The following KCNIP4 variants were observed in gnomAD, a reference collection of about 807,000 sequenced individuals.
The protein encoded by KCNIP4 is Kv channel-interacting protein 4.
Under a neutral mutation model 34.0 loss-of-function variants are expected in KCNIP4, and 12 were observed. The ratio of observed to expected loss-of-function variants is 0.35; its 90% CI spans 0.23 to 0.57. The LOEUF (loss-of-function observed/expected upper bound fraction) is 0.57. KCNIP4 is among the 20% of genes least tolerant of loss of function. The pLI is 0.83. For synonymous variants in KCNIP4, 124 were observed against 102.2 expected (o/e 1.21, Z -1.29); for missense variants, 238 against 311.7 (o/e 0.76, Z 1.78).
intron 1 of KCNIP4, among the ~76,000 whole-genome samples, chr4:21,899,369 T>C (rs1727579711): frequency 1.3e-5 from 2 of 152,134 alleles, no homozygotes; most frequent in South Asian, 2.1e-4. Context: ...TCCTGTAACA[T>C]CTGGAACAAG....
At chr4:21,683,239 T>C (rs1361963843) in intron 1 of KCNIP4, among the ~76,000 whole-genome samples, 1 of 152,040 alleles carries the variant, frequency 6.6e-6, no homozygotes, top group African/African-American at 2.4e-5. Flanking sequence ...TTAGCTGAAA[T>C]TAGGAAAATT....
intron 3 of KCNIP4, among the ~76,000 whole-genome samples, chr4:20,790,707 A>C (rs938041097): frequency 1.3e-5 from 2 of 152,172 alleles, no homozygotes; most frequent in African/African-American, 4.8e-5. Context: ...GAAATAACTT[A>C]TTCAAAAGAA....
intron 1 of KCNIP4, among the ~76,000 whole-genome samples, chr4:21,262,165 C>A (rs1761512979): frequency 6.6e-6 from 1 of 151,910 alleles, no homozygotes; most frequent in Admixed American, 6.6e-5. Flanking sequence ...TTTTGAAAAC[C>A]TTTTTCCCCT....
At chr4:21,879,686 T>C (rs144688263) in intron 1 of KCNIP4, among the ~76,000 whole-genome samples, 79 of 152,342 alleles carry the variant, frequency 5.2e-4, no homozygotes, top group African/African-American at 1.8e-3. Context: ...AGTATTATTT[T>C]CTTGTTTCGA....
chr4:21,804,780 C>A (rs1420802287), intron 1 of KCNIP4, among the ~76,000 whole-genome samples: 1 of 152,160 alleles, frequency 6.6e-6, no homozygotes, highest in East Asian at 1.9e-4. Flanking sequence ...ACTTTATTAT[C>A]TCCCTCCACA....
chr4:20,758,454 A>T (rs1754664417), intron 4 of KCNIP4, among the ~76,000 whole-genome samples: 1 of 152,146 alleles, frequency 6.6e-6, no homozygotes, highest in Non-Finnish European at 1.5e-5. Context: ...TAAATTGAGG[A>T]TAATTACATT....
At chr4:21,047,820 A>G (rs1374551400) in intron 1 of KCNIP4, among the ~76,000 whole-genome samples, 1 of 152,226 alleles carries the variant, frequency 6.6e-6, no homozygotes, top group African/African-American at 2.4e-5. Flanking sequence ...TCTGGCTTTC[A>G]AGATATTTAT....
intron 1 of KCNIP4, among the ~76,000 whole-genome samples, chr4:20,988,136 A>C (rs1736762615): frequency 6.6e-6 from 1 of 152,000 alleles, no homozygotes; most frequent in Admixed American, 6.6e-5. Flanking sequence ...CATATATGGC[A>C]CTTGGTAGAA....
At chr4:21,496,538 C>T (rs997843743) in intron 1 of KCNIP4, among the ~76,000 whole-genome samples, 3 of 152,186 alleles carry the variant, frequency 2.0e-5, no homozygotes, top group African/African-American at 4.8e-5. Context: ...ACTGATCCAA[C>T]GTGACTAGTC....
At chr4:21,717,531 C>G (rs1212132660) in intron 1 of KCNIP4, among the ~76,000 whole-genome samples, 1 of 152,100 alleles carries the variant, frequency 6.6e-6, no homozygotes, top group Non-Finnish European at 1.5e-5. Flanking sequence ...ATGGCAGAAC[C>G]AATGAGACCA....
chr4:20,933,088 T>C (rs1013168988), intron 1 of KCNIP4, among the ~76,000 whole-genome samples: 7 of 151,734 alleles, frequency 4.6e-5, no homozygotes, highest in Admixed American at 2.0e-4. Context: ...CCACTAAAAA[T>C]ATGAAAATTA....
At chr4:21,906,487 C>A (rs1469562901) in intron 1 of KCNIP4, among the ~76,000 whole-genome samples, 2 of 152,176 alleles carry the variant, frequency 1.3e-5, no homozygotes, top group Non-Finnish European at 2.9e-5. Context: ...TGTTCTCCCC[C>A]ACAGCCTGCC....
chr4:21,200,124 G>A (rs912096038), intron 1 of KCNIP4, among the ~76,000 whole-genome samples: 2 of 151,580 alleles, frequency 1.3e-5, no homozygotes, highest in Non-Finnish European at 2.9e-5. Context: ...ACACCAACAC[G>A]GCACATGTAT....
At chr4:20,809,967 G>T (rs560703442) in intron 3 of KCNIP4, among the ~76,000 whole-genome samples, 3 of 152,308 alleles carry the variant, frequency 2.0e-5, no homozygotes, top group African/African-American at 7.2e-5. Context: ...GGTACTCAGA[G>T]GCAAAGTCAG....
intron 1 of KCNIP4, among the ~76,000 whole-genome samples, chr4:21,936,332 G>A (rs906924151): frequency 2.0e-5 from 3 of 152,006 alleles, no homozygotes; most frequent in Admixed American, 6.6e-5. Flanking sequence ...CTTGGCTCTC[G>A]TTCTCTTTGC....
At chr4:21,724,138 T>C (rs1715021642) in intron 1 of KCNIP4, among the ~76,000 whole-genome samples, 1 of 152,066 alleles carries the variant, frequency 6.6e-6, no homozygotes, top group Admixed American at 6.6e-5. Context: ...GATTTGTACA[T>C]CTCTATCTCT....
At chr4:21,749,682 T>C (rs577464888) in intron 1 of KCNIP4, among the ~76,000 whole-genome samples, 4 of 152,232 alleles carry the variant, frequency 2.6e-5, no homozygotes, top group African/African-American at 7.2e-5. Context: ...CTCCCATCAC[T>C]GCCCTCCACA....
rs182753455 is a variant in KCNIP4 at position 21,787,329 on chromosome 4, G to A, written c.61+161242C>T. ...AACACTTTTGGTCCCAAGCATTTCA[G>A]TTAGTTCTTCTTACTGGACTATAAT... On this transcript the variant is annotated intron_variant, in intron 1 of 8. Transcript: ENST00000382152. 3.0e-4 allele frequency among the ~76,000 whole-genome samples: 46 copies of A among 152,268 alleles called. 2 individuals are homozygous for A. Among genetic ancestry groups the A allele is most frequent in the Admixed American group, 2.6e-3 (40 of 15,298 alleles).
At chr4:21,310,279 G>C (rs1029303380) in intron 1 of KCNIP4, among the ~76,000 whole-genome samples, 19 of 151,954 alleles carry the variant, frequency 1.3e-4, no homozygotes, top group Admixed American at 7.2e-4. Flanking sequence ...CATGTGATCC[G>C]TCCGCCTCTG....
Sources: gnomAD v4.1 joint callset for allele counts (sites outside exome capture counted in the v4.1 genomes callset) on GRCh38, gnomAD v4.1.1 for gene constraint, MANE v1.5 for transcripts, NCBI Gene and HGNC (gene_info 2026-07-23, HGNC 2026-07-21) for gene names.